The following CIB1 variants were observed in gnomAD, a reference collection of about 807,000 sequenced individuals.
CIB1 encodes the protein calcium and integrin binding 1.
Under a neutral mutation model 25.0 loss-of-function variants are expected in CIB1, and 19 were observed. The ratio of observed to expected loss-of-function variants is 0.76; its 90% CI spans 0.53 to 1.12. CIB1 has a LOEUF of 1.12. Among genes scored for constraint, CIB1 ranks in the 50% most tolerant of loss-of-function variants. The pLI, the probability that CIB1 is intolerant of heterozygous loss-of-function variation, is 0.00. For missense variants in CIB1, 236 were observed against 242.6 expected, an observed-to-expected ratio of 0.97 and a Z score of 0.18; for synonymous variants, 104 against 98.5, an observed-to-expected ratio of 1.06 and a Z score of -0.33.
chr15:90,233,761 G>T, intron 1 of CIB1, 58 bp from the exon 2 acceptor site: 1 of 1,552,774 alleles, frequency 6.4e-7, no homozygotes, highest in Non-Finnish European at 8.7e-7. Context: ...CGGCCGCCCC[G>T]CAGCCAGCTC....
chr15:90,262,245 C>T, the CIB1 span: 2,889 of 1,446,554 alleles, frequency 2.0e-3, 4 homozygotes, highest in Non-Finnish European at 2.2e-3. Context: ...AGTCCTGAAG[C>T]TGCATTGCTT....
chr15:90,258,243 C>A, the CIB1 span: 1 of 1,614,202 alleles, frequency 6.2e-7, no homozygotes, highest in East Asian at 2.2e-5. Flanking sequence ...CTTGCTGGAC[C>A]ACAAGTTGAA....
chr15:90,264,969 A>G, the CIB1 span: 1 of 1,533,214 alleles, frequency 6.5e-7, no homozygotes, highest in East Asian at 2.4e-5. Context: ...TTCAGGTAAA[A>G]GCAGGAGGGA....
chr15:90,247,398 G>A, the CIB1 span, among the ~76,000 whole-genome samples: 1 of 149,988 alleles, frequency 6.7e-6, no homozygotes, highest in Non-Finnish European at 1.5e-5. Flanking sequence ...TTCCCAAGGT[G>A]CTGGGATTAG....
the CIB1 span, chr15:90,250,527 A>C: frequency 7.1e-7 from 1 of 1,402,334 alleles, no homozygotes; most frequent in Non-Finnish European, 9.7e-7. Flanking sequence ...TAACAGCATG[A>C]AGGTCGTTCT....
rs1962438969 is a variant in CIB1, at chr15:90,230,130, G to A, written c.*354C>T. On this transcript the variant is annotated 3_prime_UTR_variant, in exon 7 of 7. Coordinates refer to ENST00000328649, the MANE Select transcript of CIB1 (RefSeq NM_006384.4). ...TCCCACGGGGACAGCCAGCGTGGGT[G>A]CGGCTTGACTTCCCGCTGGCCTCTG... The A allele has an allele frequency of 3.1e-6, 1 of 319,622 alleles. No individual in the cohort carries two copies. The highest frequency in any genetic ancestry group is 5.9e-6 in the Non-Finnish European group (1 of 169,374). The allele number at this position is 319,622 out of a possible 1,614,324, so 19.8% of individuals were successfully genotyped here.
the CIB1 span, among the ~76,000 whole-genome samples, chr15:90,248,241 G>A: frequency 6.6e-6 from 1 of 152,086 alleles, no homozygotes; most frequent in Non-Finnish European, 1.5e-5. Context: ...GAGGAAGGCT[G>A]GTATCTTTCA....
the CIB1 span, chr15:90,265,713 A>G: frequency 6.8e-6 from 11 of 1,613,120 alleles, no homozygotes; most frequent in East Asian, 4.5e-5. Context: ...TTGCGTCGAC[A>G]TGGCGGTTAC....
the CIB1 span, chr15:90,258,502 C>A: frequency 6.5e-6 from 4 of 615,990 alleles, no homozygotes; most frequent in South Asian, 5.9e-5. Flanking sequence ...TCCCCAGTGC[C>A]CTAATGTAAG....
At position 90,231,496 on chromosome 15, in the gene CIB1, G is replaced by A; in HGVS notation, c.207C>T (p.Phe69=). The A allele has an allele frequency of 1.2e-6, 2 of 1,614,020 alleles. No individual in the cohort carries two copies. The highest frequency in any genetic ancestry group is 8.5e-7 in the Non-Finnish European group (1 of 1,179,914). ...AGAAGACCCTGCAGATTCGCTCCTT[G>A]AAGGGGTTGGCCTAGGAGAACAAAC... ...LSLPELKANP[F]KERICRVFST... is the part of the protein sequence containing the mutation. Residue 69 remains phenylalanine, a synonymous_variant, in exon 4 of 7, where the codon TTC becomes TTT. Coordinates refer to ENST00000328649, the MANE Select transcript of CIB1 (RefSeq NM_006384.4).
chr15:90,232,279 C>T lies in CIB1; in HGVS notation c.135G>A (p.Val45=), dbSNP rs878947158. The T allele has an allele frequency of 6.8e-6, 11 of 1,612,516 alleles. No homozygotes were observed. In the African/African-American group the frequency reaches 1.2e-4, roughly 18 times the overall value. Residue 45 remains valine, a synonymous_variant, in exon 3 of 7, where the codon GTG becomes GTA. Coordinates refer to ENST00000328649, the MANE Select transcript of CIB1 (RefSeq NM_006384.4). ...GCACTTGTGCCCGAAGTGACGACTC[C>T]ACGCTCCGCTGCTCCTGGGGAAGCA... ...CELLPQEQRS[V]ESSLRAQVPF...
At chr15:90,250,613 C>G in the CIB1 span, 6 of 1,607,928 alleles carry the variant, frequency 3.7e-6, no homozygotes, top group Non-Finnish European at 5.1e-6. Flanking sequence ...ACCCCGCAAC[C>G]CCTCAGAATC....
chr15:90,247,041 T>C, the CIB1 span, among the ~76,000 whole-genome samples: 1 of 151,374 alleles, frequency 6.6e-6, no homozygotes, highest in South Asian at 2.1e-4. Flanking sequence ...AGTGGCACGA[T>C]CTTGGCTCAC....
At chr15:90,259,715 G>A in the CIB1 span, among the ~76,000 whole-genome samples, 4 of 152,258 alleles carry the variant, frequency 2.6e-5, no homozygotes, top group East Asian at 7.7e-4. Context: ...ATCTCCTTTA[G>A]AAACCAGTTC....
At chr15:90,232,078 T>C in intron 3 of CIB1, 141 bp downstream of exon 3, 1 of 659,312 alleles carries the variant, frequency 1.5e-6, no homozygotes, top group South Asian at 2.2e-5. Flanking sequence ...TCCTTGCCCC[T>C]AGAAAATCAG....
chr15:90,232,609 T>C (rs1596171972), intron 2 of CIB1, among the ~76,000 whole-genome samples: 1 of 152,186 alleles, frequency 6.6e-6, no homozygotes. Flanking sequence ...GAGCCAGAAG[T>C]TGGCCCTAAA....
chr15:90,240,210 GATAA>G, the CIB1 span, among the ~76,000 whole-genome samples: 12 of 149,306 alleles, frequency 8.0e-5, no homozygotes, highest in East Asian at 7.9e-4. Flanking sequence ...GTGACAGAGT[GATAA>G]ATAAATAAAT....
chr15:90,245,678 A>G, the CIB1 span: 1 of 152,118 alleles, frequency 6.6e-6, no homozygotes, highest in Non-Finnish European at 1.5e-5. Context: ...TTTTGCGTTC[A>G]AAGTGATAAG....
At chr15:90,238,645 G>A (rs1461223174), upstream of CIB1, 1 of 152,034 alleles carries the variant, frequency 6.6e-6, no homozygotes, top group African/African-American at 2.4e-5. Flanking sequence ...GGAAGATGAA[G>A]ACAGGCACTA....
Sources: gnomAD v4.1 joint callset for allele counts (sites outside exome capture counted in the v4.1 genomes callset) on GRCh38, gnomAD v4.1.1 for gene constraint, MANE v1.5 for transcripts, NCBI Gene and HGNC (gene_info 2026-07-23, HGNC 2026-07-21) for gene names.